The following PDE4D variants were observed in gnomAD, a reference collection of about 807,000 sequenced individuals.
PDE4D encodes phosphodiesterase 4D, also known as 3',5'-cyclic-AMP phosphodiesterase 4D.
PDE4D carries 24 observed loss-of-function variants against 87.4 expected under a neutral mutation model. The ratio of observed to expected loss-of-function variants is 0.27; its 90% CI spans 0.20 to 0.39. The LOEUF (loss-of-function observed/expected upper bound fraction) is 0.39. Ranked by LOEUF, PDE4D falls within the 10% of genes least tolerant of loss-of-function variation. The probability of loss-of-function intolerance (pLI) is 1.00; values close to 1 mark genes in which losing one functional copy is unlikely to be tolerated. For synonymous variants in PDE4D, 384 were observed against 383.2 expected, an observed-to-expected ratio of 1.00 and a Z score of -0.02; for missense variants, 714 against 1,041.0, an observed-to-expected ratio of 0.69 and a Z score of 4.32.
At chr5:59,125,614 G>A (rs1224088956) in intron 5 of PDE4D, among the ~76,000 whole-genome samples, 1 of 152,148 alleles carries the variant, frequency 6.6e-6, no homozygotes, top group African/African-American at 2.4e-5. Flanking sequence ...ATATCTTGGG[G>A]GACAAAAGGA....
chr5:59,684,788 G>A (rs1188345757), intron 1 of PDE4D, among the ~76,000 whole-genome samples: 1 of 152,204 alleles, frequency 6.6e-6, no homozygotes. Context: ...TGTTGTGGCA[G>A]ACACATTCCT....
At chr5:59,867,404 T>G (rs1026229815) in intron 1 of PDE4D, among the ~76,000 whole-genome samples, 1 of 152,224 alleles carries the variant, frequency 6.6e-6, no homozygotes, top group Non-Finnish European at 1.5e-5. Flanking sequence ...GACATTGCTT[T>G]CACTTATTTA....
chr5:60,018,293 T>C (rs962015248), intron 2 of PDE4D, among the ~76,000 whole-genome samples: 5 of 151,908 alleles, frequency 3.3e-5, no homozygotes, highest in African/African-American at 7.3e-5. Flanking sequence ...AAGCAAATGA[T>C]GAGGGAATTA....
chr5:59,798,290 GTGTGTGTT>G (rs1363371876), intron 1 of PDE4D, among the ~76,000 whole-genome samples: 1 of 137,320 alleles, frequency 7.3e-6, no homozygotes, highest in Non-Finnish European at 1.6e-5. Flanking sequence ...GTGTGTGTGT[GTGTGTGTT>G]TGTGTGTATG....
chr5:59,246,789 T>C (rs1316556611), intron 1 of PDE4D, among the ~76,000 whole-genome samples: 1 of 152,172 alleles, frequency 6.6e-6, no homozygotes, highest in Non-Finnish European at 1.5e-5. Flanking sequence ...TTTGGAATCA[T>C]TGCAATTTTT....
chr5:59,478,351 G>A (rs1803678176), intron 1 of PDE4D, among the ~76,000 whole-genome samples: 4 of 151,960 alleles, frequency 2.6e-5, no homozygotes, highest in Admixed American at 2.6e-4. Context: ...ACGGATTTGA[G>A]GTTTATAACA....
intron 1 of PDE4D, among the ~76,000 whole-genome samples, chr5:59,778,200 A>T (rs1355720643): frequency 6.6e-6 from 1 of 152,230 alleles, no homozygotes; most frequent in Non-Finnish European, 1.5e-5. Flanking sequence ...TCTACTGTGC[A>T]GTATGAAACA....
chr5:59,188,093 T>C (rs1743340250), intron 3 of PDE4D, among the ~76,000 whole-genome samples: 1 of 152,152 alleles, frequency 6.6e-6, no homozygotes, highest in South Asian at 2.1e-4. Context: ...TGTTCTTTGC[T>C]TTTGTTCAGG....
chr5:59,394,885 A>G (rs1225157285), intron 1 of PDE4D, among the ~76,000 whole-genome samples: 2 of 152,228 alleles, frequency 1.3e-5, no homozygotes, highest in African/African-American at 2.4e-5. Flanking sequence ...CACCGTGCAC[A>G]AGCCGAAGCA....
intron 6 of PDE4D, among the ~76,000 whole-genome samples, chr5:59,004,648 T>C (rs1386669516): frequency 2.6e-5 from 4 of 152,260 alleles, no homozygotes; most frequent in African/African-American, 9.6e-5. Flanking sequence ...ATTTAATACT[T>C]ATACGTAAAA....
intron 1 of PDE4D, among the ~76,000 whole-genome samples, chr5:60,431,836 C>T (rs539978542): frequency 6.6e-6 from 1 of 152,322 alleles, no homozygotes; most frequent in Admixed American, 6.5e-5. Flanking sequence ...CTCGGGAGGC[C>T]GAGGCTGGCA....
intron 1 of PDE4D, among the ~76,000 whole-genome samples, chr5:59,315,036 G>C (rs1005237670): frequency 1.3e-5 from 2 of 152,118 alleles, no homozygotes; most frequent in African/African-American, 4.8e-5. Context: ...GTGTGTGGGG[G>C]CTTGGAATCC....
intron 2 of PDE4D, among the ~76,000 whole-genome samples, chr5:60,018,075 G>T (rs1301832097): frequency 6.6e-6 from 1 of 152,030 alleles, no homozygotes; most frequent in Non-Finnish European, 1.5e-5. Flanking sequence ...TCATGTGTCT[G>T]TTGGCTGTAT....
At chr5:59,436,213 TAC>T (rs1796778907) in intron 1 of PDE4D, among the ~76,000 whole-genome samples, 1 of 152,160 alleles carries the variant, frequency 6.6e-6, no homozygotes, top group African/African-American at 2.4e-5. Flanking sequence ...ACACAATGGC[TAC>T]AGTCAGAAGG....
chr5:59,983,502 A>G (rs1420720152), intron 3 of PDE4D, among the ~76,000 whole-genome samples: 1 of 152,224 alleles, frequency 6.6e-6, no homozygotes, highest in Non-Finnish European at 1.5e-5. Context: ...TAGAATATAC[A>G]AAGAGCCCTC....
chr5:59,459,774 GGTT>G (rs1263828272), intron 1 of PDE4D, among the ~76,000 whole-genome samples: 1 of 152,172 alleles, frequency 6.6e-6, no homozygotes, highest in African/African-American at 2.4e-5. Flanking sequence ...AGTCCTGTGT[GGTT>G]GTTAACTAAT....
chr5:60,474,091 T>G (rs777487004), intron 1 of PDE4D, among the ~76,000 whole-genome samples: 23 of 119,100 alleles, frequency 1.9e-4, no homozygotes, highest in South Asian at 3.0e-4. Context: ...ACTGTCTCAG[T>G]CCCTTTGAGC....
At chr5:60,160,705 G>C in intron 2 of PDE4D, 1 of 351,632 alleles carries the variant, frequency 2.8e-6, no homozygotes, top group Non-Finnish European at 5.5e-6. Flanking sequence ...GACTATCATG[G>C]TTCTATGGAC....
intron 5 of PDE4D, among the ~76,000 whole-genome samples, chr5:59,146,838 C>G (rs1372227704): frequency 6.6e-6 from 1 of 152,094 alleles, no homozygotes; most frequent in Non-Finnish European, 1.5e-5. Flanking sequence ...GAAGTATACT[C>G]CCCACTGAAC....
Sources: allele counts gnomAD v4.1 joint callset (sites outside exome capture counted in the v4.1 genomes callset), GRCh38; gene constraint gnomAD v4.1.1; transcripts MANE v1.5; gene names NCBI Gene and HGNC (gene_info 2026-07-23, HGNC 2026-07-21).